The following KLHL28 variants were observed in gnomAD, a reference collection of about 807,000 sequenced individuals.
The protein encoded by KLHL28 is kelch-like protein 28.
A neutral mutation model predicts 48.3 loss-of-function variants in KLHL28; 22 were observed. The observed-to-expected ratio is 0.46, with a 90% CI of 0.33 to 0.65. The LOEUF (loss-of-function observed/expected upper bound fraction) is 0.65, where lower values mean the gene tolerates loss of function less well. KLHL28 is among the 30% of genes least tolerant of loss of function. The pLI is 0.03. For missense variants in KLHL28, 527 were observed against 704.3 expected (o/e 0.75, Z 2.85); for synonymous variants, 243 against 242.4 (o/e 1.00, Z -0.02).
At chr14:44,946,664 C>T (rs1303523076) in intron 1 of KLHL28, among the ~76,000 whole-genome samples, 1 of 149,964 alleles carries the variant, frequency 6.7e-6, no homozygotes, top group African/African-American at 2.5e-5. Context: ...ACAAATGATT[C>T]TCCTGCTTAG....
At chr14:44,929,286 A>G (rs1883487174) in intron 4 of KLHL28, 95 bp from the exon 5 acceptor site, 3 of 1,104,878 alleles carry the variant, frequency 2.7e-6, no homozygotes, top group East Asian at 2.6e-5. Context: ...TGTTTTATTA[A>G]AATACATTTT....
chr14:44,937,653 T>C (rs1883881653), intron 2 of KLHL28, among the ~76,000 whole-genome samples: 1 of 152,200 alleles, frequency 6.6e-6, no homozygotes, highest in Admixed American at 6.5e-5. Context: ...CTTAGTTCAT[T>C]TTCTGCCGAT....
chr14:44,955,629 T>G (rs1225694864), intron 1 of KLHL28, among the ~76,000 whole-genome samples: 2 of 151,804 alleles, frequency 1.3e-5, no homozygotes, highest in Non-Finnish European at 2.9e-5. Context: ...AAAAAACAAA[T>G]AAAAAAATTA....
In KLHL28 at chr14:44,945,301, C is replaced by T. The variant is rs1566571705; in HGVS notation, c.628G>A (p.Val210Ile). The change falls in exon 2 of 5, where the codon GTA becomes ATA. Residue 210 changes from valine to isoleucine, a missense_variant. Physicochemically the swap from Val to Ile is conservative, Grantham distance 29. Transcript: ENST00000396128. ...GCTAAGTATTTCTGGCGTTCTTGTA[C>T]ATCATACTTGATCCAAGACTCTAAT... ...YALESWIKYD[V>I]QERQKYLAQL... 5 of 1,614,018 alleles carry T rather than the reference C, an allele frequency of 3.1e-6. No individual in the cohort carries two copies. Among genetic ancestry groups the T allele is most frequent in the East Asian group, 2.2e-5 (1 of 44,898 alleles).
At chr14:44,949,371 G>C (rs1004231730) in intron 1 of KLHL28, among the ~76,000 whole-genome samples, 2 of 152,026 alleles carry the variant, frequency 1.3e-5, no homozygotes, top group African/African-American at 4.8e-5. Flanking sequence ...TAGAAGACTT[G>C]TAGATCAGAA....
chr14:44,927,477 TA>T lies in KLHL28; in HGVS notation c.*1550del, dbSNP rs78967067. 14,617 of 152,188 alleles carry T rather than the reference TA, an allele frequency of 0.096. 902 individuals carry two copies. The highest frequency in any genetic ancestry group is 0.18 in the African/African-American group (7,326 of 41,426). 9.4% of individuals were successfully genotyped at this position (152,188 alleles called of 1,614,324 possible). A position where few individuals can be genotyped will look rare whatever the true frequency, so the allele number is the denominator to read the frequency against. ...TTTATAAGGAGATCGCAAACAGGTT[TA>T]AAAAAAATCAAGGAAAAGAAAATCA... On this transcript the variant is annotated 3_prime_UTR_variant, in exon 5 of 5. Transcript: ENST00000396128.
intron 1 of KLHL28, chr14:44,953,797 A>G (rs1336974913): frequency 3.9e-5 from 6 of 152,250 alleles, no homozygotes; most frequent in Admixed American, 6.5e-5. Context: ...AGACAACCTG[A>G]GATTAGGGAA....
chr14:44,931,343 T>C lies in KLHL28; in HGVS notation c.1542A>G (p.Glu514=), dbSNP rs780814097. The change falls in exon 4 of 5, where the codon GAA becomes GAG. Residue 514 remains glutamate (E), a synonymous_variant. Transcript: ENST00000396128. The part of the protein sequence containing the change: ...NQWTVCRPMK[E]PRTGVGAAVI... ...ATAAATTCTTATTACCTGTTCTAGG[T>C]TCTTTCATTGGTCTACACACAGTCC... is the stretch of plus-strand genomic sequence containing the variant. 4.8e-5 allele frequency: 78 copies of C among 1,609,944 alleles called. No homozygotes were observed. The highest frequency in any genetic ancestry group is 1.5e-4 in the Admixed American group (9 of 59,942).
intron 2 of KLHL28, among the ~76,000 whole-genome samples, chr14:44,940,225 G>A (rs966546928): frequency 6.6e-6 from 1 of 152,182 alleles, no homozygotes; most frequent in African/African-American, 2.4e-5. Context: ...CATGAGAGCA[G>A]AGCCCTCATG....
intron 2 of KLHL28, among the ~76,000 whole-genome samples, chr14:44,944,717 T>A (rs1884247247): frequency 1.3e-5 from 2 of 151,824 alleles, no homozygotes; most frequent in Admixed American, 1.3e-4. Flanking sequence ...GTGGTCTGAC[T>A]CAAATAAACA....
rs932135781 is a variant in KLHL28 at position 44,928,839 on chromosome 14, T to A, written c.*189A>T. On this transcript the variant is annotated 3_prime_UTR_variant, in exon 5 of 5. Transcript: ENST00000396128. ...TCTCTTTTTTCTTTTTGATTATTGA[T>A]TTACTGTGTAATCAAGAGCAACCAA... 1 of 459,700 alleles carries A rather than the reference T, an allele frequency of 2.2e-6. No homozygotes were observed. The highest frequency in any genetic ancestry group is 3.8e-6 in the Non-Finnish European group (1 of 259,834). The allele number at this position is 459,700 out of a possible 1,614,324, so 28.5% of individuals were successfully genotyped here.
rs1372918111 is a variant in KLHL28 at position 44,934,252 on chromosome 14, A to G, written c.1206T>C (p.Ser402=). ...TTATTTTGGGAATGTACTTCTCTAC[A>G]GATTGTAAATAAGATTGTCCATCAT... is the stretch of plus-strand genomic sequence containing the variant. ...GGYDGQSYLQ[S]VEKYIPKIRK... is the part of the protein sequence containing the mutation. Residue 402 remains serine (S), a synonymous_variant, in exon 3 of 5, where the codon TCT becomes TCC. Coordinates refer to ENST00000396128, the MANE Select transcript of KLHL28 (RefSeq NM_017658.5). 1 of 1,614,162 alleles carries G rather than the reference A, an allele frequency of 6.2e-7. No individual in the cohort carries two copies. Among genetic ancestry groups the G allele is most frequent in the South Asian group, 1.1e-5 (1 of 91,084 alleles).
chr14:44,949,333 T>C (rs1275757258), intron 1 of KLHL28, among the ~76,000 whole-genome samples: 2 of 152,148 alleles, frequency 1.3e-5, no homozygotes, highest in Non-Finnish European at 1.5e-5. Context: ...TGTTACAGAC[T>C]AGGTTTGTTT....
chr14:44,934,054 AT>A, intron 3 of KLHL28, 60 bp downstream of exon 3: 1 of 1,336,364 alleles, frequency 7.5e-7, no homozygotes, highest in Non-Finnish European at 1.0e-6. Context: ...CTCAGAAATC[AT>A]TGCTAATGAG....
At position 44,945,587 on chromosome 14, in the gene KLHL28, T is replaced by C; in HGVS notation, c.342A>G (p.Leu114=). ...CTTTCAGGACAAGTTTTATCTGGAG[T>C]AGGTTTGCTGCTGGCAGGAGAGATT... ...TVESLLPAAN[L]LQIKLVLKEC... is the part of the protein sequence containing the mutation. Residue 114 remains leucine, a synonymous_variant, in exon 2 of 5, where the codon CTA becomes CTG. Coordinates refer to ENST00000396128, the MANE Select transcript of KLHL28 (RefSeq NM_017658.5). The C allele has an allele frequency of 6.2e-7, 1 of 1,614,042 alleles. No individual in the cohort carries two copies. Among genetic ancestry groups the C allele is most frequent in the South Asian group, 1.1e-5 (1 of 91,076 alleles).
Position 44,927,302 on chromosome 14 carries a change from G to A in KLHL28, c.*1726C>T, listed in dbSNP as rs540164696. The A allele has an allele frequency of 2.6e-5, 4 of 152,564 alleles. No individual in the cohort carries two copies. The highest frequency in any genetic ancestry group is 7.2e-5 in the African/African-American group (3 of 41,516). 9.5% of individuals were successfully genotyped at this position (152,564 alleles called of 1,614,324 possible). On this transcript the variant is annotated 3_prime_UTR_variant, in exon 5 of 5. Coordinates refer to ENST00000396128, the MANE Select transcript of KLHL28 (RefSeq NM_017658.5). Reference sequence around the variant, plus strand: ...AAGAACAAAGAACTGTAAATTGCCCGGCTATAGTATTCAAGAAATAAACAT... The same window carrying A: ...AAGAACAAAGAACTGTAAATTGCCCAGCTATAGTATTCAAGAAATAAACAT...
chr14:44,957,028 T>G (rs1011008629), intron 1 of KLHL28, among the ~76,000 whole-genome samples: 2 of 152,198 alleles, frequency 1.3e-5, no homozygotes, highest in Non-Finnish European at 2.9e-5. Context: ...TCTCACTATT[T>G]GTCCAGGCTG....
At chr14:44,937,721 G>C (rs1040691609) in intron 2 of KLHL28, among the ~76,000 whole-genome samples, 3 of 152,168 alleles carry the variant, frequency 2.0e-5, no homozygotes, top group African/African-American at 7.2e-5. Flanking sequence ...TTTGGCTCAA[G>C]GTACTGGAGG....
intron 4 of KLHL28, among the ~76,000 whole-genome samples, chr14:44,930,695 A>T (rs1249572518): frequency 6.6e-6 from 1 of 152,204 alleles, no homozygotes; most frequent in East Asian, 1.9e-4. Flanking sequence ...CAAAATCCCA[A>T]ATCCAAAACC....
Sources: allele counts gnomAD v4.1 joint callset (sites outside exome capture counted in the v4.1 genomes callset), GRCh38; gene constraint gnomAD v4.1.1; transcripts MANE v1.5; gene names NCBI Gene and HGNC (gene_info 2026-07-23, HGNC 2026-07-21).